ADAP1: variants seen among roughly 807,000 people sequenced by gnomAD.
ADAP1 encodes ArfGAP with dual PH domains 1.
In ADAP1, 31 loss-of-function variants were observed where a neutral mutation model predicts 54.9. That is an observed-to-expected ratio of 0.56 (90% CI 0.42 to 0.76). The LOEUF is 0.76. ADAP1 is among the 30% of genes least tolerant of loss of function. The probability of loss-of-function intolerance (pLI) is 0.00; values close to 1 mark genes in which losing one functional copy is unlikely to be tolerated. For synonymous variants in ADAP1, 313 were observed against 202.6 expected, an observed-to-expected ratio of 1.55 and a Z score of -4.63; for missense variants, 535 against 512.4, an observed-to-expected ratio of 1.04 and a Z score of -0.42.
At chr7:917,025 G>A (rs1458691922) in intron 4 of ADAP1, among the ~76,000 whole-genome samples, 74 of 46,014 alleles carry the variant, frequency 1.6e-3, no homozygotes, top group Non-Finnish European at 2.3e-3. Flanking sequence ...CACGGGAGGG[G>A]GGCGCAGTGC....
At position 926,191 on chromosome 7, in the gene ADAP1, A is replaced by C. The variant is rs1314242466; in HGVS notation, c.305+362T>G. ...ACGTCCGCTCCCGCCCTGAGGAGCC[A>C]GGGCAGGCCCCGAAACAACAGCCGC... On this transcript the variant is annotated intron_variant, in intron 3 of 10. Coordinates refer to ENST00000265846, the MANE Select transcript of ADAP1 (RefSeq NM_006869.4). The surrounding 1 kb of genome is among the most constrained non-coding windows in gnomAD (Gnocchi z 4.6). 7.7e-6 allele frequency among the ~76,000 whole-genome samples: 1 copy of C among 129,438 alleles called. No individual in the cohort carries two copies. Among genetic ancestry groups the C allele is most frequent in the African/African-American group, 2.7e-5 (1 of 36,586 alleles). 84.9% of individuals were successfully genotyped at this position (129,438 alleles called of 152,430 possible).
intron 4 of ADAP1, among the ~76,000 whole-genome samples, chr7:912,967 G>A (rs896307853): frequency 2.0e-5 from 3 of 152,126 alleles, no homozygotes; most frequent in Non-Finnish European, 4.4e-5. Context: ...TCCCACCTCA[G>A]TGTCCTGAGT....
intron 1 of ADAP1, among the ~76,000 whole-genome samples, chr7:937,392 C>G (rs1367676462): frequency 3.5e-5 from 1 of 28,644 alleles, no homozygotes; most frequent in Admixed American, 3.8e-4. Context: ...GGGTCACGCC[C>G]GACCTCTGGG....
At chr7:899,562 C>T (rs776134623) in intron 8 of ADAP1, 72 bp from the exon 9 acceptor site, 18 of 1,524,424 alleles carry the variant, frequency 1.2e-5, no homozygotes, top group Non-Finnish European at 1.5e-5. Context: ...CCACAGCACA[C>T]CCCGGAGGGC....
At chr7:908,939 C>G (rs1212321153) in intron 4 of ADAP1, among the ~76,000 whole-genome samples, 1 of 152,230 alleles carries the variant, frequency 6.6e-6, no homozygotes, top group Non-Finnish European at 1.5e-5. Flanking sequence ...GCGGGGGCCC[C>G]TTCCAGCGAC....
At position 898,655 on chromosome 7, in the gene ADAP1, C is replaced by A; in HGVS notation, c.*266G>T. The A allele has an allele frequency of 3.7e-6, 2 of 539,838 alleles. No individual in the cohort carries two copies. The highest frequency in any genetic ancestry group is 6.7e-6 in the Non-Finnish European group (2 of 299,194). 33.4% of individuals were successfully genotyped at this position (539,838 alleles called of 1,614,324 possible). ...GACTGGGCCCTGGAGGAAAGGGGGC[C>A]CCGGGTCAGGGAGGGGCAGGTTGGC... is the stretch of plus-strand genomic sequence containing the variant. On this transcript the variant is annotated 3_prime_UTR_variant, in exon 11 of 11. Coordinates refer to ENST00000265846, the MANE Select transcript of ADAP1 (RefSeq NM_006869.4).
At chr7:940,797 G>A (rs1846921128) in intron 1 of ADAP1, among the ~76,000 whole-genome samples, 2 of 152,192 alleles carry the variant, frequency 1.3e-5, no homozygotes, top group Admixed American at 1.3e-4. Flanking sequence ...GTTTTTACCA[G>A]TAATGCAAGG....
chr7:929,666 G>A (rs558223487), intron 2 of ADAP1, among the ~76,000 whole-genome samples: 18 of 152,178 alleles, frequency 1.2e-4, no homozygotes, highest in South Asian at 2.1e-4. Flanking sequence ...GGTGAGTACC[G>A]GCTGTGTTGG....
At position 926,961 on chromosome 7, in the gene ADAP1, G is replaced by A. The variant is rs944905574; in HGVS notation, c.214-317C>T. ...TTCAACCCCCAAGTCCACCCACACCGGGTGTCCCGTGGGAGAGAGCTGGCT... is the reference window on the plus strand; with the variant it reads ...TTCAACCCCCAAGTCCACCCACACCAGGTGTCCCGTGGGAGAGAGCTGGCT... On this transcript the variant is annotated intron_variant, in intron 2 of 10. Transcript: ENST00000265846. This position sits in a 1 kb window ranked among gnomAD's most constrained non-coding sequence, Gnocchi z 4.6. 3.2e-5 allele frequency: 40 copies of A among 1,261,588 alleles called. No homozygotes were observed. The African/African-American group carries it at 4.4e-4, about 14-fold the overall frequency. 78.1% of individuals were successfully genotyped at this position (1,261,588 alleles called of 1,614,324 possible).
intron 4 of ADAP1, among the ~76,000 whole-genome samples, chr7:908,964 C>G (rs991610378): frequency 6.6e-6 from 1 of 152,224 alleles, no homozygotes; most frequent in African/African-American, 2.4e-5. Context: ...CTCCCTAGGC[C>G]ACAGGGTGGG....
At chr7:929,658 T>C (rs1215600607) in intron 2 of ADAP1, among the ~76,000 whole-genome samples, 2 of 151,476 alleles carry the variant, frequency 1.3e-5, no homozygotes, top group Admixed American at 6.6e-5. Context: ...GGAGGGGTGG[T>C]GAGTACCGGC....
chr7:899,555 C>T, intron 8 of ADAP1, 65 bp from the exon 9 acceptor site: 1 of 1,548,964 alleles, frequency 6.5e-7, no homozygotes, highest in Non-Finnish European at 8.7e-7. Flanking sequence ...CAGCTGACCA[C>T]AGCACACCCC....
chr7:915,416 G>A lies in ADAP1; in HGVS notation c.388+4552C>T, dbSNP rs1262457967. Among the ~76,000 whole-genome samples the A allele has an allele frequency of 5.9e-5, 9 of 152,356 alleles. No individual in the cohort carries two copies. In the East Asian group the frequency reaches 7.7e-4, roughly 13 times the overall value. On this transcript the variant is annotated intron_variant, in intron 4 of 10. Coordinates refer to ENST00000265846, the MANE Select transcript of ADAP1 (RefSeq NM_006869.4). ...AGGCAGATCATGAGCCTGGTGCTGC[G>A]GACGTGGCCGCCCCGCCGGGCCTGG...
At chr7:921,891 C>T (rs973309312) in intron 3 of ADAP1, among the ~76,000 whole-genome samples, 14 of 152,258 alleles carry the variant, frequency 9.2e-5, no homozygotes, top group Admixed American at 7.8e-4. Flanking sequence ...GCCCTCAGGG[C>T]GGGGCACCCA....
intron 2 of ADAP1, among the ~76,000 whole-genome samples, chr7:929,336 A>G (rs1846491389): frequency 6.6e-6 from 1 of 151,498 alleles, no homozygotes; most frequent in East Asian, 1.9e-4. Context: ...ACACGCTACA[A>G]CCCAGGCGAT....
intron 1 of ADAP1, among the ~76,000 whole-genome samples, chr7:942,280 A>AG (rs1250792902): frequency 6.6e-6 from 1 of 151,124 alleles, no homozygotes; most frequent in Non-Finnish European, 1.5e-5. Context: ...ACTGAGAGAG[A>AG]GAGGAGGAGG....
At position 898,430 on chromosome 7, in the gene ADAP1, G is replaced by A. The variant is rs971364026; in HGVS notation, c.*491C>T. The stretch of plus-strand genomic sequence containing the variant: ...ACCCAAACACCCCACGGCCCTCATA[G>A]CCCCGTGACACACAACAGGCGCTCA... On this transcript the variant is annotated 3_prime_UTR_variant, in exon 11 of 11. Coordinates refer to ENST00000265846, the MANE Select transcript of ADAP1 (RefSeq NM_006869.4). 4.3e-5 allele frequency: 9 copies of A among 211,280 alleles called. No individual in the cohort carries two copies. The highest frequency in any genetic ancestry group is 6.8e-5 in the Non-Finnish European group (7 of 103,134). 13.1% of individuals were successfully genotyped at this position (211,280 alleles called of 1,614,324 possible). A position where few individuals can be genotyped will look rare whatever the true frequency, so the allele number is the denominator to read the frequency against.
At chr7:948,679 G>A (rs1365180655) in intron 1 of ADAP1, among the ~76,000 whole-genome samples, 4 of 151,898 alleles carry the variant, frequency 2.6e-5, no homozygotes, top group African/African-American at 4.8e-5. Flanking sequence ...ACGCGTTTAC[G>A]GGGCATCCAA....
At chr7:948,147 G>A (rs1847188674) in intron 1 of ADAP1, among the ~76,000 whole-genome samples, 1 of 146,672 alleles carries the variant, frequency 6.8e-6, no homozygotes, top group Non-Finnish European at 1.5e-5. Context: ...CACAACCCCC[G>A]AGCCCCAGCC....
Sources: gnomAD v4.1 joint callset for allele counts (sites outside exome capture counted in the v4.1 genomes callset) on GRCh38, gnomAD v4.1.1 for gene constraint, Gnocchi (gnomAD v3.1) non-coding constraint, MANE v1.5 for transcripts, NCBI Gene and HGNC (gene_info 2026-07-23, HGNC 2026-07-21) for gene names.